R3HCC1L: variants seen among roughly 807,000 people sequenced by gnomAD.
R3HCC1L encodes coiled-coil domain-containing protein R3HCC1L.
A neutral mutation model predicts 59.9 loss-of-function variants in R3HCC1L; 51 were observed. The observed-to-expected ratio is 0.85, with a 90% CI of 0.68 to 1.07. R3HCC1L has a LOEUF of 1.07. R3HCC1L is among the 50% of genes least tolerant of loss of function. R3HCC1L has a pLI of 0.00. For missense variants in R3HCC1L, 965 were observed against 933.0 expected (o/e 1.03, Z -0.45); for synonymous variants, 322 against 315.2 (o/e 1.02, Z -0.23).
chr10:98,162,674 GTGTGTGTGTGTGTGTGTGTGTCTC>G (rs1031625871), intron 2 of R3HCC1L, among the ~76,000 whole-genome samples, 185 bp from the exon 3 acceptor site: 3 of 145,040 alleles, frequency 2.1e-5, no homozygotes, highest in Admixed American at 2.0e-4. Flanking sequence ...GTGTGTGTTT[GTGTGTGTGTGTGTGTGTGTGTCTC>G]TGTGTGTGTG....
chr10:98,139,059 G>C (rs1224530130), intron 1 of R3HCC1L, among the ~76,000 whole-genome samples: 1 of 152,086 alleles, frequency 6.6e-6, no homozygotes, highest in Non-Finnish European at 1.5e-5. Context: ...TCTTAGCCAA[G>C]GTTAAGGTTG....
At position 98,244,402 on chromosome 10, in the gene R3HCC1L, T is replaced by C. The variant is rs542305421; in HGVS notation, c.*244T>C. 1 of 374,520 alleles carries C rather than the reference T, an allele frequency of 2.7e-6. No homozygotes were observed. The highest frequency in any genetic ancestry group is 2.0e-5 in the African/African-American group (1 of 49,090). 23.2% of individuals were successfully genotyped at this position (374,520 alleles called of 1,614,324 possible). A position where few individuals can be genotyped will look rare whatever the true frequency, so the allele number is the denominator to read the frequency against. On this transcript the variant is annotated 3_prime_UTR_variant, in exon 10 of 10. Transcript: ENST00000298999. ...GGGAGCCATCAGCTAGGAAGAAACG[T>C]GGGAGATGTGAATTCCAAGAGTTGC...
chr10:98,161,603 C>T (rs1173948998), intron 2 of R3HCC1L, among the ~76,000 whole-genome samples: 1 of 152,090 alleles, frequency 6.6e-6, no homozygotes, highest in Admixed American at 6.5e-5. Flanking sequence ...TCTTCTAATA[C>T]TTCTGTAGTT....
At chr10:98,178,444 C>G (rs1433978540) in intron 4 of R3HCC1L, among the ~76,000 whole-genome samples, 3 of 152,120 alleles carry the variant, frequency 2.0e-5, no homozygotes, top group East Asian at 1.9e-4. Context: ...GGTACCAGTA[C>G]CATGCTGTTT....
At chr10:98,231,721 G>C in intron 6 of R3HCC1L, 34 bp downstream of exon 6, 4 of 1,519,648 alleles carry the variant, frequency 2.6e-6, no homozygotes, top group Non-Finnish European at 3.6e-6. Flanking sequence ...TGTTAGGGAG[G>C]GTGAGATGAA....
At chr10:98,207,430 T>C (rs1228857895) in intron 4 of R3HCC1L, among the ~76,000 whole-genome samples, 1 of 152,202 alleles carries the variant, frequency 6.6e-6, no homozygotes, top group Non-Finnish European at 1.5e-5. Flanking sequence ...ACAGTTTCCT[T>C]GGTCTTCTAT....
At chr10:98,161,461 GT>G (rs1847412170) in intron 2 of R3HCC1L, among the ~76,000 whole-genome samples, 1 of 152,048 alleles carries the variant, frequency 6.6e-6, no homozygotes, top group African/African-American at 2.4e-5. Context: ...CTCCCAGTTT[GT>G]AGTGTTTGTG....
chr10:98,233,072 C>T (rs1002157769), intron 6 of R3HCC1L, among the ~76,000 whole-genome samples: 33 of 152,054 alleles, frequency 2.2e-4, no homozygotes, highest in Non-Finnish European at 4.3e-4. Flanking sequence ...AGTATCAGAA[C>T]CTGTTCAACA....
chr10:98,170,038 C>T (rs1157951813), intron 4 of R3HCC1L, among the ~76,000 whole-genome samples: 1 of 151,898 alleles, frequency 6.6e-6, no homozygotes, highest in Non-Finnish European at 1.5e-5. Flanking sequence ...GATCATTTAT[C>T]CTTAATGGTA....
rs138425134 is a variant in R3HCC1L at position 98,219,904 on chromosome 10, A to G, written c.1785+10005A>G. Among the ~76,000 whole-genome samples the G allele has an allele frequency of 2.2e-4, 34 of 152,238 alleles. No homozygotes were observed. In the East Asian group the frequency reaches 5.2e-3, roughly 23 times the overall value. ...CTCTTTGGGAATCTTTGAGCTTCCT[A>G]TATTTGGATGTCTATATCTCTTACA... is the stretch of plus-strand genomic sequence containing the variant. On this transcript the variant is annotated intron_variant, in intron 5 of 9. Transcript: ENST00000298999.
At chr10:98,140,928 A>G (rs1845074769) in intron 1 of R3HCC1L, among the ~76,000 whole-genome samples, 1 of 152,158 alleles carries the variant, frequency 6.6e-6, no homozygotes, top group Non-Finnish European at 1.5e-5. Context: ...TATAGAAAAC[A>G]TGGCAAATAC....
intron 4 of R3HCC1L, among the ~76,000 whole-genome samples, chr10:98,191,338 T>G (rs1482869055): frequency 6.6e-6 from 1 of 152,226 alleles, no homozygotes; most frequent in African/African-American, 2.4e-5. Context: ...TTTTTAATGA[T>G]TGCCATTCTA....
At chr10:98,224,766 C>T (rs1470104378) in intron 5 of R3HCC1L, among the ~76,000 whole-genome samples, 1 of 152,126 alleles carries the variant, frequency 6.6e-6, no homozygotes, top group Non-Finnish European at 1.5e-5. Context: ...AAACGTCTAC[C>T]ATCTGTTTTT....
At chr10:98,171,885 A>G (rs1848545349) in intron 4 of R3HCC1L, among the ~76,000 whole-genome samples, 1 of 152,188 alleles carries the variant, frequency 6.6e-6, no homozygotes, top group Admixed American at 6.5e-5. Context: ...AGTGTCTAGA[A>G]TGTGATAGAG....
intron 4 of R3HCC1L, among the ~76,000 whole-genome samples, chr10:98,197,864 A>G (rs1431813997): frequency 2.0e-5 from 3 of 152,214 alleles, no homozygotes; most frequent in African/African-American, 7.2e-5. Flanking sequence ...TAATGAAGTT[A>G]TAGAAAAGGT....
chr10:98,243,991 A>G, intron 9 of R3HCC1L, 100 bp from the exon 10 acceptor site: 1 of 967,132 alleles, frequency 1.0e-6, no homozygotes, highest in East Asian at 2.5e-5. Context: ...CAGGATATCC[A>G]CTTGTCTCAT....
At chr10:98,177,106 G>A (rs1357600757) in intron 4 of R3HCC1L, among the ~76,000 whole-genome samples, 1 of 151,970 alleles carries the variant, frequency 6.6e-6, no homozygotes, top group Non-Finnish European at 1.5e-5. Context: ...ATGTATACAT[G>A]TGCTATGTTG....
At chr10:98,215,349 T>C (rs938288906) in intron 5 of R3HCC1L, among the ~76,000 whole-genome samples, 3 of 152,210 alleles carry the variant, frequency 2.0e-5, no homozygotes, top group African/African-American at 7.2e-5. Flanking sequence ...ACAGTGCTTT[T>C]CCCTTAAAAT....
intron 1 of R3HCC1L, among the ~76,000 whole-genome samples, chr10:98,152,537 G>C (rs1246079463): frequency 1.5e-5 from 2 of 130,036 alleles, no homozygotes; most frequent in Non-Finnish European, 3.5e-5. Flanking sequence ...CCCAGTCTGG[G>C]AAGTGAGGAG....
Sources: gnomAD v4.1 joint callset for allele counts (sites outside exome capture counted in the v4.1 genomes callset) on GRCh38, gnomAD v4.1.1 for gene constraint, MANE v1.5 for transcripts, NCBI Gene and HGNC (gene_info 2026-07-23, HGNC 2026-07-21) for gene names.